Variants in COL14A1 observed in about 807,000 individuals in gnomAD.
COL14A1 encodes the protein collagen type XIV alpha 1 chain, also known as collagen alpha-1(XIV) chain.
In COL14A1, 136 loss-of-function variants were observed where a neutral mutation model predicts 230.3. The ratio of observed to expected loss-of-function variants is 0.59; its 90% CI spans 0.51 to 0.68. The LOEUF (loss-of-function observed/expected upper bound fraction) is 0.68. Among genes scored for constraint, COL14A1 ranks in the 30% least tolerant of loss-of-function variants. The pLI is 0.00. For synonymous variants in COL14A1, 792 were observed against 784.1 expected (o/e 1.01, Z -0.17); for missense variants, 1,976 against 2,215.8 (o/e 0.89, Z 2.17).
chr8:120,341,201 G>T, intron 42 of COL14A1, 124 bp from the exon 43 acceptor site: 2 of 911,296 alleles, frequency 2.2e-6, no homozygotes, highest in Admixed American at 1.9e-5. Flanking sequence ...GTTGTGTAAT[G>T]ATTTTTGCTG....
At chr8:120,177,012 T>A (rs1816304297) in intron 5 of COL14A1, among the ~76,000 whole-genome samples, 1 of 152,188 alleles carries the variant, frequency 6.6e-6, no homozygotes, top group African/African-American at 2.4e-5. Context: ...TCTGTATATG[T>A]CTGTGCCCTG....
chr8:120,252,174 C>CTTCAT (rs1818989326), intron 22 of COL14A1, among the ~76,000 whole-genome samples: 1 of 152,018 alleles, frequency 6.6e-6, no homozygotes, highest in Non-Finnish European at 1.5e-5. Context: ...CAAATGACAT[C>CTTCAT]TTTATTTTAT....
chr8:120,348,141 A>G (rs1237292696), intron 45 of COL14A1, among the ~76,000 whole-genome samples: 1 of 151,208 alleles, frequency 6.6e-6, no homozygotes, highest in Non-Finnish European at 1.5e-5. Flanking sequence ...ATGCCCATCA[A>G]TCAATGAGTG....
chr8:120,207,110 T>C lies in COL14A1; in HGVS notation c.1191+16T>C, dbSNP rs1156343000. The stretch of plus-strand genomic sequence containing the variant: ...ACCAGACGAGGTAATAAGGAGAGAG[T>C]ATTTTCAAACCATTCTTTTTATTCT... On this transcript the variant is annotated intron_variant, in intron 10 of 47. Transcript: ENST00000297848. 10 of 1,597,758 alleles carry C rather than the reference T, an allele frequency of 6.3e-6. No individual in the cohort carries two copies. Among genetic ancestry groups the C allele is most frequent in the Admixed American group, 3.5e-5 (2 of 56,988 alleles).
At chr8:120,126,104 G>A (rs1814325419) in intron 1 of COL14A1, among the ~76,000 whole-genome samples, 1 of 152,202 alleles carries the variant, frequency 6.6e-6, no homozygotes, top group Middle Eastern at 3.2e-3. Flanking sequence ...CCTCTCACTT[G>A]CCCCCTTTTA....
intron 45 of COL14A1, among the ~76,000 whole-genome samples, chr8:120,360,938 AC>A (rs1027142241): frequency 5.3e-5 from 8 of 151,712 alleles, no homozygotes; most frequent in Non-Finnish European, 8.8e-5. Flanking sequence ...GGCAAACCCC[AC>A]CCCTGCCTCC....
chr8:120,345,313 CT>C (rs1363118811), intron 44 of COL14A1, 61 bp from the exon 45 acceptor site: 16 of 1,456,768 alleles, frequency 1.1e-5, no homozygotes, highest in Non-Finnish European at 1.3e-5. Flanking sequence ...AATGACACCC[CT>C]GGTCCTCTCT....
Position 120,129,524 on chromosome 8 carries a change from T to A in COL14A1, c.-38+4184T>A, listed in dbSNP as rs190806820. Among the ~76,000 whole-genome samples, 64 of 152,324 alleles carry A rather than the reference T, an allele frequency of 4.2e-4. 2 individuals are homozygous for A. In the East Asian group the frequency reaches 8.7e-3, roughly 21 times the overall value. On this transcript the variant is annotated intron_variant, in intron 1 of 47. Coordinates refer to ENST00000297848, the MANE Select transcript of COL14A1 (RefSeq NM_021110.4). ...TGTCATTTAGAACATACAGCATGAGTTTAATACTGATTGAGCAGCTGTATA... is the reference window on the plus strand; with the variant it reads ...TGTCATTTAGAACATACAGCATGAGATTAATACTGATTGAGCAGCTGTATA...
chr8:120,134,772 C>T lies in COL14A1; in HGVS notation c.-38+9432C>T, dbSNP rs368793427. On this transcript the variant is annotated intron_variant, in intron 1 of 47. Coordinates refer to ENST00000297848, the MANE Select transcript of COL14A1 (RefSeq NM_021110.4). ...GTCAGATCACTTGAGGTCAGGAGTT[C>T]GAGACCAGCCTGGCCAACATGGCGA... Among the ~76,000 whole-genome samples, 32 of 152,140 alleles carry T rather than the reference C, an allele frequency of 2.1e-4. No individual in the cohort carries two copies. In the East Asian group the frequency reaches 4.5e-3, roughly 21 times the overall value.
intron 5 of COL14A1, among the ~76,000 whole-genome samples, chr8:120,178,386 T>C (rs1816354685): frequency 6.6e-6 from 1 of 152,214 alleles, no homozygotes; most frequent in Admixed American, 6.5e-5. Context: ...TTCATCCATG[T>C]CCCTGCAAAG....
chr8:120,229,581 C>A (rs921902965), intron 18 of COL14A1, among the ~76,000 whole-genome samples: 1 of 151,988 alleles, frequency 6.6e-6, no homozygotes, highest in African/African-American at 2.4e-5. Flanking sequence ...TACATGTGCA[C>A]GTGTCTTTAT....
intron 43 of COL14A1, 38 bp downstream of exon 43, chr8:120,341,398 G>C (rs1563747418): frequency 1.2e-6 from 2 of 1,609,442 alleles, no homozygotes; most frequent in South Asian, 2.2e-5. Context: ...GCCCCAGCTT[G>C]TTGCACCCCT....
chr8:120,308,187 G>A (rs1262745124), intron 36 of COL14A1, among the ~76,000 whole-genome samples: 2 of 152,148 alleles, frequency 1.3e-5, no homozygotes, highest in African/African-American at 2.4e-5. Context: ...TCACCATGTT[G>A]GCCAGGCTGG....
In COL14A1 at chr8:120,332,724, C is replaced by T. The variant is rs1821914676; in HGVS notation, c.4774C>T (p.Leu1592=). The T allele has an allele frequency of 6.2e-7, 1 of 1,612,786 alleles. No individual in the cohort carries two copies. The highest frequency in any genetic ancestry group is 1.7e-5 in the Admixed American group (1 of 59,946). The change falls in exon 42 of 48, where the codon CTG becomes TTG. Residue 1592 remains leucine, a synonymous_variant. Transcript: ENST00000297848. ...ITGSMGPQGA[L]GPPGVPGAKG... is the part of the protein sequence containing the mutation. ...AGGAAGCATGGGACCGCAAGGCGCCCTGGGACCACCTGTGAGTATGCAGCG... is the reference window on the plus strand; with the variant it reads ...AGGAAGCATGGGACCGCAAGGCGCCTTGGGACCACCTGTGAGTATGCAGCG...
At chr8:120,311,579 A>T (rs984694045) in intron 37 of COL14A1, among the ~76,000 whole-genome samples, 2 of 152,202 alleles carry the variant, frequency 1.3e-5, no homozygotes, top group Admixed American at 1.3e-4. Context: ...GGACGTTGAC[A>T]TGTCCACCAA....
At chr8:120,170,291 A>G (rs1385661677) in intron 5 of COL14A1, among the ~76,000 whole-genome samples, 2 of 151,978 alleles carry the variant, frequency 1.3e-5, no homozygotes, top group Non-Finnish European at 2.9e-5. Context: ...TATGCATTTT[A>G]AAATATCCAA....
chr8:120,220,081 A>G (rs1410763974), intron 14 of COL14A1, among the ~76,000 whole-genome samples: 1 of 152,080 alleles, frequency 6.6e-6, no homozygotes, highest in African/African-American at 2.4e-5. Flanking sequence ...GAAGTGAAGT[A>G]TTACTGTACC....
At chr8:120,263,050 C>A (rs1383135153) in intron 24 of COL14A1, 36 bp downstream of exon 24, 1 of 1,527,060 alleles carries the variant, frequency 6.5e-7, no homozygotes, top group South Asian at 1.3e-5. Context: ...TCCCTCTCCC[C>A]ATGAACAAAC....
At chr8:120,370,141 T>C (rs145154608) in intron 47 of COL14A1, among the ~76,000 whole-genome samples, 145 of 152,316 alleles carry the variant, frequency 9.5e-4, no homozygotes, top group Non-Finnish European at 1.6e-3. Context: ...TAGTCACTCT[T>C]GGAAGCATCA....
Sources: gnomAD v4.1 joint callset for allele counts (sites outside exome capture counted in the v4.1 genomes callset) on GRCh38, gnomAD v4.1.1 for gene constraint, MANE v1.5 for transcripts, NCBI Gene and HGNC (gene_info 2026-07-23, HGNC 2026-07-21) for gene names.